The following ZNF578 variants were observed in gnomAD, a reference collection of about 807,000 sequenced individuals.
The protein encoded by ZNF578 is Putative chemokine-related protein B42.
In ZNF578, 8 loss-of-function variants were observed where a neutral mutation model predicts 8.3. The observed-to-expected ratio is 0.96, with a 90% CI of 0.56 to 1.74. The LOEUF (loss-of-function observed/expected upper bound fraction) is 1.74, where lower values mean the gene tolerates loss of function less well. Among genes scored for constraint, ZNF578 ranks in the 40% most tolerant of loss-of-function variants. ZNF578 has a pLI of 0.00. For missense variants in ZNF578, 726 were observed against 707.5 expected (o/e 1.03, Z -0.30); for synonymous variants, 206 against 232.2 (o/e 0.89, Z 1.03).
At chr19:52,490,603 A>C (rs901700565) in intron 2 of ZNF578, among the ~76,000 whole-genome samples, 8 of 151,988 alleles carry the variant, frequency 5.3e-5, no homozygotes, top group African/African-American at 1.9e-4. Context: ...GATATAGGTA[A>C]TTTTAAGACA....
At chr19:52,468,395 T>C (rs915543674) in intron 2 of ZNF578, among the ~76,000 whole-genome samples, 2 of 152,236 alleles carry the variant, frequency 1.3e-5, no homozygotes, top group African/African-American at 4.8e-5. Flanking sequence ...AACAGTCATA[T>C]TGTGCAATGG....
chr19:52,486,622 C>A (rs2059346775), intron 2 of ZNF578, among the ~76,000 whole-genome samples: 1 of 151,876 alleles, frequency 6.6e-6, no homozygotes, highest in Admixed American at 6.6e-5. Context: ...GGAGCCAGGG[C>A]AGACAGAGCA....
intron 3 of ZNF578, among the ~76,000 whole-genome samples, chr19:52,500,096 G>A (rs554267893): frequency 1.0e-3 from 153 of 152,228 alleles, no homozygotes; most frequent in African/African-American, 3.6e-3. Flanking sequence ...TCCTTGTTCT[G>A]ATATCATCTT....
intron 2 of ZNF578, among the ~76,000 whole-genome samples, chr19:52,486,360 G>T (rs752956995): frequency 6.6e-6 from 1 of 152,156 alleles, no homozygotes; most frequent in Non-Finnish European, 1.5e-5. Context: ...CAGTGCCGTC[G>T]TGGGTCCTCC....
At chr19:52,477,968 G>T (rs1292099691) in intron 2 of ZNF578, among the ~76,000 whole-genome samples, 2 of 152,202 alleles carry the variant, frequency 1.3e-5, no homozygotes, top group Admixed American at 1.3e-4. Flanking sequence ...GCCCAGGCAT[G>T]TTTAGTGGCC....
chr19:52,467,607 A>AC (rs1442532093), intron 2 of ZNF578, among the ~76,000 whole-genome samples: 24 of 151,822 alleles, frequency 1.6e-4, no homozygotes, highest in Non-Finnish European at 2.8e-4. Flanking sequence ...ACAGAGTGAG[A>AC]CCCCAGCTCT....
At chr19:52,507,792 G>A (rs2059430615) in intron 5 of ZNF578, among the ~76,000 whole-genome samples, 1 of 152,140 alleles carries the variant, frequency 6.6e-6, no homozygotes, top group Admixed American at 6.5e-5. Context: ...GCTCATGAGT[G>A]TAATCCCAGC....
intron 5 of ZNF578, among the ~76,000 whole-genome samples, chr19:52,507,071 A>G (rs1397427540): frequency 6.6e-6 from 1 of 152,074 alleles, no homozygotes. Context: ...GGGCAAACAT[A>G]ATGAAACCTT....
chr19:52,500,782 C>A (rs1454739395), intron 3 of ZNF578, among the ~76,000 whole-genome samples: 1 of 151,918 alleles, frequency 6.6e-6, no homozygotes, highest in Non-Finnish European at 1.5e-5. Context: ...AGTCTGGTTC[C>A]CTAAGCAGTT....
At chr19:52,482,024 C>T (rs562261308) in intron 2 of ZNF578, among the ~76,000 whole-genome samples, 2 of 152,148 alleles carry the variant, frequency 1.3e-5, no homozygotes, top group South Asian at 4.1e-4. Context: ...TGAGCCACCA[C>T]ATCTGGCCTA....
intron 2 of ZNF578, among the ~76,000 whole-genome samples, chr19:52,463,093 T>G (rs767425347): frequency 2.6e-5 from 4 of 152,188 alleles, no homozygotes; most frequent in Non-Finnish European, 5.9e-5. Flanking sequence ...CCTGTTTATG[T>G]AATTGCATTT....
chr19:52,498,036 G>A (rs1338233139), intron 3 of ZNF578, among the ~76,000 whole-genome samples: 1 of 152,202 alleles, frequency 6.6e-6, no homozygotes, highest in African/African-American at 2.4e-5. Flanking sequence ...TGTGCACATG[G>A]TGTGTTTTGC....
rs201390409 is a variant in ZNF578, at chr19:52,486,015, G to C, written c.-121-5309G>C. Among the ~76,000 whole-genome samples the C allele has an allele frequency of 2.0e-5, 3 of 152,222 alleles. No individual in the cohort carries two copies. In the East Asian group the frequency reaches 5.8e-4, roughly 29 times the overall value. On this transcript the variant is annotated intron_variant, in intron 2 of 5. Coordinates refer to ENST00000421239, the MANE Select transcript of ZNF578 (RefSeq NM_001099694.2). ...GAAGGCCTCTTTGCAGTTGAGATAA[G>C]AGGAAGGCATCTGTCTCCTGCTCAT...
rs6146551 is a variant in ZNF578, at chr19:52,458,468, T to TTATATATATATATATATATATA, written c.-122+1525_-122+1526insATATATATATATATATATATAT. 4.5e-3 allele frequency: 553 copies of TTATATATATATATATATATATA among 121,686 alleles called. 21 individuals are homozygous for TTATATATATATATATATATATA. Among genetic ancestry groups the TTATATATATATATATATATATA allele is most frequent in the African/African-American group, 0.01 (255 of 25,262 alleles). The allele number at this position is 121,686 out of a possible 1,614,324, so 7.5% of individuals were successfully genotyped here. On this transcript the variant is annotated intron_variant, in intron 2 of 5. Transcript: ENST00000421239. The stretch of plus-strand genomic sequence containing the variant: ...AAAAAACAACAACTTGCTACTATGT[T>TTATATATATATATATATATATA]TATATATATATATATTTTGAAAATC...
intron 2 of ZNF578, chr19:52,475,149 T>C: frequency 4.4e-6 from 1 of 225,192 alleles, no homozygotes; most frequent in Non-Finnish European, 9.5e-6. Flanking sequence ...TTGTAAAGTT[T>C]ATCTGGATCC....
intron 5 of ZNF578, among the ~76,000 whole-genome samples, chr19:52,510,301 G>C (rs35687753): frequency 0.016 from 2,454 of 152,148 alleles, 26 homozygotes; most frequent in Non-Finnish European, 0.026. Context: ...GGTCACAGTG[G>C]AAAAATACTC....
intron 3 of ZNF578, chr19:52,492,932 T>G (rs1217860556): frequency 1.3e-5 from 2 of 152,300 alleles, no homozygotes; most frequent in Non-Finnish European, 2.9e-5. Context: ...CCCTAGGACT[T>G]TGGGTCCCCA....
At chr19:52,487,462 C>G (rs571103956) in intron 2 of ZNF578, among the ~76,000 whole-genome samples, 2 of 152,114 alleles carry the variant, frequency 1.3e-5, no homozygotes, top group Non-Finnish European at 2.9e-5. Flanking sequence ...ATAAGACGTA[C>G]ATTCTATAAA....
At chr19:52,504,878 G>C in intron 5 of ZNF578, 97 bp downstream of exon 5, 1 of 1,302,220 alleles carries the variant, frequency 7.7e-7, no homozygotes, top group Non-Finnish European at 1.0e-6. Context: ...CCCCATACGT[G>C]GTTTTTTTGT....
Sources: allele counts gnomAD v4.1 joint callset (sites outside exome capture counted in the v4.1 genomes callset), GRCh38; gene constraint gnomAD v4.1.1; transcripts MANE v1.5; gene names NCBI Gene and HGNC (gene_info 2026-07-23, HGNC 2026-07-21).